EYS: variants seen among roughly 807,000 people sequenced by gnomAD.
The protein encoded by EYS is protein eyes shut homolog.
EYS carries 250 observed loss-of-function variants against 282.1 expected under a neutral mutation model. The observed-to-expected ratio is 0.89, with a 90% CI of 0.80 to 0.98. The LOEUF is 0.98. Among genes scored for constraint, EYS ranks in the 50% least tolerant of loss-of-function variants. EYS has a pLI of 0.00. For missense variants in EYS, 4,016 were observed against 3,709.0 expected, an observed-to-expected ratio of 1.08 and a Z score of -2.15; for synonymous variants, 1,355 against 1,282.9, an observed-to-expected ratio of 1.06 and a Z score of -1.20.
chr6:64,963,461 A>AGAT (rs1487072606), intron 14 of EYS, among the ~76,000 whole-genome samples: 8 of 152,182 alleles, frequency 5.3e-5, no homozygotes, highest in Non-Finnish European at 1.0e-4. Context: ...AAAGATGTTA[A>AGAT]GATAATCCAA....
At chr6:65,611,833 G>A (rs556766670) in intron 2 of EYS, among the ~76,000 whole-genome samples, 89 of 152,074 alleles carry the variant, frequency 5.9e-4, no homozygotes, top group African/African-American at 2.1e-3. Context: ...CATCAGGATC[G>A]TTAAAAGATC....
intron 29 of EYS, among the ~76,000 whole-genome samples, chr6:64,378,463 A>G (rs1205847148): frequency 6.6e-6 from 1 of 152,154 alleles, no homozygotes. Context: ...CAATTTCTAA[A>G]CTTTCATTTC....
intron 19 of EYS, among the ~76,000 whole-genome samples, chr6:64,885,366 T>C (rs552405780): frequency 6.6e-6 from 1 of 151,888 alleles, no homozygotes; most frequent in East Asian, 1.9e-4. Context: ...TGTTAATCTT[T>C]CAAATGTTGA....
intron 2 of EYS, among the ~76,000 whole-genome samples, chr6:65,621,496 AC>A (rs1766492873): frequency 6.7e-6 from 1 of 149,094 alleles, no homozygotes; most frequent in South Asian, 2.2e-4. Context: ...ATGGGTCTTG[AC>A]TCTTTATCCA....
chr6:65,658,931 TA>T (rs1324777916), intron 1 of EYS, among the ~76,000 whole-genome samples: 6 of 151,638 alleles, frequency 4.0e-5, no homozygotes, highest in Non-Finnish European at 5.9e-5. Context: ...TTCTTTTTTT[TA>T]ATGAAAGGTC....
At chr6:65,519,611 G>A (rs1767272847) in intron 2 of EYS, among the ~76,000 whole-genome samples, 1 of 141,388 alleles carries the variant, frequency 7.1e-6, no homozygotes, top group Admixed American at 7.4e-5. Flanking sequence ...AATTTTTATG[G>A]TCTCTATTAG....
At chr6:64,743,393 A>G (rs1468591102) in intron 22 of EYS, among the ~76,000 whole-genome samples, 2 of 152,156 alleles carry the variant, frequency 1.3e-5, no homozygotes, top group African/African-American at 4.8e-5. Flanking sequence ...TATGTAAATG[A>G]AAGTCTATAT....
At chr6:63,830,733 T>C (rs914540463) in intron 36 of EYS, among the ~76,000 whole-genome samples, 2 of 152,118 alleles carry the variant, frequency 1.3e-5, no homozygotes, top group African/African-American at 2.4e-5. Flanking sequence ...AAGATACTCC[T>C]TGAGAAGAGC....
rs1248684848 is a variant in EYS at position 65,404,923 on chromosome 6, GA to G, written c.1056+250del. ...AAACAATATTGAATAACTAAAAGATGAAAAAAAGCAATAAGTAGAAATGAAG... is the reference window on the plus strand; with the variant it reads ...AAACAATATTGAATAACTAAAAGATGAAAAAAGCAATAAGTAGAAATGAAG... On this transcript the variant is annotated intron_variant, in intron 6 of 42. Coordinates refer to ENST00000503581, the MANE Select transcript of EYS (RefSeq NM_001142800.2). Among the ~76,000 whole-genome samples, 10 of 151,602 alleles carry G rather than the reference GA, an allele frequency of 6.6e-5. No homozygotes were observed. In the East Asian group the frequency reaches 1.7e-3, roughly 26 times the overall value.
At chr6:64,040,135 C>T (rs1204475552) in intron 33 of EYS, among the ~76,000 whole-genome samples, 1 of 152,092 alleles carries the variant, frequency 6.6e-6, no homozygotes. Flanking sequence ...TAGAGGTATC[C>T]TTTTAAAATA....
chr6:64,454,429 A>G (rs2150480183), intron 26 of EYS, among the ~76,000 whole-genome samples: 1 of 152,260 alleles, frequency 6.6e-6, no homozygotes, highest in Non-Finnish European at 1.5e-5. Flanking sequence ...AAGTTGCATA[A>G]AAAGTCATTA....
At chr6:64,545,973 T>C (rs1009131248) in intron 26 of EYS, among the ~76,000 whole-genome samples, 1 of 152,102 alleles carries the variant, frequency 6.6e-6, no homozygotes, top group Non-Finnish European at 1.5e-5. Context: ...TTCAATGCCA[T>C]CCCCATCAAG....
intron 26 of EYS, among the ~76,000 whole-genome samples, chr6:64,518,555 T>C (rs2150523903): frequency 6.6e-6 from 1 of 151,930 alleles, no homozygotes; most frequent in Non-Finnish European, 1.5e-5. Context: ...AAAATAGTCT[T>C]TAGTTGATAA....
At chr6:64,370,155 T>C (rs544046920) in intron 29 of EYS, among the ~76,000 whole-genome samples, 31 of 151,828 alleles carry the variant, frequency 2.0e-4, no homozygotes, top group Non-Finnish European at 4.1e-4. Context: ...TATGATACTA[T>C]GTATTTGTCA....
chr6:64,340,520 G>T (rs537422663), intron 29 of EYS, among the ~76,000 whole-genome samples: 2 of 151,988 alleles, frequency 1.3e-5, no homozygotes, highest in African/African-American at 4.8e-5. Context: ...CTAGCCATGT[G>T]CAGAAGAATG....
chr6:64,200,751 G>A (rs1488334804), intron 31 of EYS, among the ~76,000 whole-genome samples: 1 of 152,032 alleles, frequency 6.6e-6, no homozygotes, highest in Admixed American at 6.6e-5. Context: ...TTATGGCTGC[G>A]AGCTTACATT....
intron 18 of EYS, 141 bp downstream of exon 18, chr6:64,901,972 A>G (rs558627079): frequency 1.7e-6 from 1 of 599,688 alleles, no homozygotes; most frequent in East Asian, 3.0e-5. Context: ...ATTGGATGGG[A>G]CAAATGAGGA....
intron 30 of EYS, among the ~76,000 whole-genome samples, chr6:64,276,990 G>GT (rs1445684356): frequency 1.3e-5 from 2 of 152,114 alleles, no homozygotes; most frequent in Non-Finnish European, 2.9e-5. Context: ...TATTGATGCA[G>GT]TTTTTCTCAG....
chr6:63,902,849 T>C (rs1003406427), intron 35 of EYS, among the ~76,000 whole-genome samples: 4 of 152,118 alleles, frequency 2.6e-5, no homozygotes, highest in Admixed American at 6.5e-5. Context: ...GGTAACAGTA[T>C]ATGAATAAAG....
Sources: allele counts gnomAD v4.1 joint callset (sites outside exome capture counted in the v4.1 genomes callset), GRCh38; gene constraint gnomAD v4.1.1; transcripts MANE v1.5; gene names NCBI Gene and HGNC (gene_info 2026-07-23, HGNC 2026-07-21).